PGM3: variants seen among roughly 807,000 people sequenced by gnomAD.
PGM3 encodes phosphoglucomutase 3.
A neutral mutation model predicts 66.2 loss-of-function variants in PGM3; 40 were observed. The ratio of observed to expected loss-of-function variants is 0.60; its 90% CI spans 0.47 to 0.79. PGM3 has a LOEUF of 0.79. Ranked by LOEUF, PGM3 falls within the 30% of genes least tolerant of loss-of-function variation. The pLI is 0.00. For missense variants in PGM3, 537 were observed against 643.4 expected, an observed-to-expected ratio of 0.83 and a Z score of 1.79; for synonymous variants, 191 against 224.2, an observed-to-expected ratio of 0.85 and a Z score of 1.32.
chr6:83,158,679 G>C (rs543241330), downstream of PGM3: 1 of 1,184,992 alleles, frequency 8.4e-7, no homozygotes, highest in South Asian at 1.3e-5. Context: ...AAATTATTCA[G>C]AATATTACTC....
intron 11 of PGM3, chr6:83,171,057 G>A (rs1246501905): frequency 6.5e-6 from 1 of 152,680 alleles, no homozygotes. Flanking sequence ...AATAATGTTG[G>A]GGCCAGGTGC....
chr6:83,164,930 AAG>A lies in PGM3; in HGVS notation c.*4302_*4303del, dbSNP rs905999571. 3.8e-5 allele frequency: 18 copies of A among 470,928 alleles called. No homozygotes were observed. The highest frequency in any genetic ancestry group is 3.5e-4 in the African/African-American group (17 of 49,142). 29.2% of individuals were successfully genotyped at this position (470,928 alleles called of 1,614,324 possible). ...TGAGACAATACATATAGTTCTGATT[AAG>A]AGCATCAGAAACTCTGAATCAAGTG... On this transcript the variant is annotated 3_prime_UTR_variant, in exon 13 of 13. Coordinates refer to ENST00000513973, the MANE Select transcript of PGM3 (RefSeq NM_015599.3).
At chr6:83,172,780 A>C (rs569445405) in intron 10 of PGM3, among the ~76,000 whole-genome samples, 4 of 152,350 alleles carry the variant, frequency 2.6e-5, no homozygotes, top group Admixed American at 6.5e-5. Context: ...GTTTCCATGC[A>C]TGCCAGATAT....
intron 5 of PGM3, 58 bp downstream of exon 5, chr6:83,182,787 T>C: frequency 2.0e-6 from 3 of 1,468,276 alleles, no homozygotes; most frequent in Non-Finnish European, 2.8e-6. Context: ...ATTTGTTCAG[T>C]AGACCATGTT....
At chr6:83,163,882 T>TA (rs2128438419), downstream of PGM3, among the ~76,000 whole-genome samples, 1 of 152,064 alleles carries the variant, frequency 6.6e-6, no homozygotes, top group Non-Finnish European at 1.5e-5. Flanking sequence ...TGTAGGAAAA[T>TA]AAAATTTGTA....
chr6:83,166,058 AC>A lies in PGM3; in HGVS notation c.*3175del. On this transcript the variant is annotated 3_prime_UTR_variant, in exon 13 of 13. Coordinates refer to ENST00000513973, the MANE Select transcript of PGM3 (RefSeq NM_015599.3). ...CATCGCCAGTTGTCGTATAAAATCC[AC>A]CTTTTGGCACACATCACAATCCGAT... The A allele has an allele frequency of 3.4e-6, 1 of 295,878 alleles. No individual in the cohort carries two copies. The highest frequency in any genetic ancestry group is 2.1e-5 in the African/African-American group (1 of 46,582). 18.3% of individuals were successfully genotyped at this position (295,878 alleles called of 1,614,324 possible). A position where few individuals can be genotyped will look rare whatever the true frequency, so the allele number is the denominator to read the frequency against.
Position 83,168,854 on chromosome 6 carries a change from G to A in PGM3, c.*380C>T, listed in dbSNP as rs994498107. On this transcript the variant is annotated 3_prime_UTR_variant, in exon 13 of 13. Transcript: ENST00000513973. Reference sequence around the variant, plus strand: ...TCCATTTGTATCAGCAATGGGGAATGCTGCAAAACATCATCTTGCTCATGT... The same window carrying A: ...TCCATTTGTATCAGCAATGGGGAATACTGCAAAACATCATCTTGCTCATGT... 2.9e-6 allele frequency: 3 copies of A among 1,038,282 alleles called. No homozygotes were observed. The highest frequency in any genetic ancestry group is 4.8e-4 in the Middle Eastern group (1 of 2,072). The allele number at this position is 1,038,282 out of a possible 1,614,324, so 64.3% of individuals were successfully genotyped here.
downstream of PGM3, among the ~76,000 whole-genome samples, chr6:83,160,871 T>C (rs184111777): frequency 1.8e-4 from 27 of 152,234 alleles, no homozygotes; most frequent in Non-Finnish European, 3.2e-4. Flanking sequence ...GCTCCAAAAT[T>C]TGCTATTTTA....
chr6:83,153,994 C>A, the PGM3 span: 1 of 1,614,058 alleles, frequency 6.2e-7, no homozygotes, highest in East Asian at 2.2e-5. Context: ...AGCTTTTGAC[C>A]TCTTTATGGA....
In PGM3 at chr6:83,181,818, C is replaced by T. The variant is rs199729957; in HGVS notation, c.705G>A (p.Gln235=). Residue 235 remains glutamine, a synonymous_variant, in exon 6 of 13, where the codon CAG becomes CAA. Transcript: ENST00000513973. Reference sequence around the variant, plus strand: ...TGCCCTTGGACCCATCATTAAACAGCTGAACTGACAGGCCCTGTGAGAAGT... The same window carrying T: ...TGCCCTTGGACCCATCATTAAACAGTTGAACTGACAGGCCCTGTGAGAAGT... ...EHYFSQGLSV[Q]LFNDGSKGKL... is the part of the protein sequence containing the mutation. 6.2e-7 allele frequency: 1 copy of T among 1,614,016 alleles called. No individual in the cohort carries two copies. The highest frequency in any genetic ancestry group is 8.5e-7 in the Non-Finnish European group (1 of 1,179,936).
chr6:83,177,059 AT>A (rs1379520483), intron 8 of PGM3, among the ~76,000 whole-genome samples: 1 of 152,184 alleles, frequency 6.6e-6, no homozygotes, highest in Admixed American at 6.5e-5. Flanking sequence ...GGAACATCAC[AT>A]GAAAATTCAG....
intron 8 of PGM3, among the ~76,000 whole-genome samples, chr6:83,178,133 G>A (rs1787914150): frequency 6.6e-6 from 1 of 152,110 alleles, no homozygotes; most frequent in Admixed American, 6.5e-5. Context: ...AGGAAAACTT[G>A]AAACCACCAT....
chr6:83,171,872 G>A, intron 11 of PGM3, 65 bp downstream of exon 11: 1 of 1,214,536 alleles, frequency 8.2e-7, no homozygotes, highest in Middle Eastern at 1.9e-4. Context: ...GATATAATGA[G>A]AATTGGGATA....
chr6:83,190,223 T>A (rs770750490), intron 2 of PGM3, among the ~76,000 whole-genome samples: 1 of 152,224 alleles, frequency 6.6e-6, no homozygotes, highest in African/African-American at 2.4e-5. Context: ...AAACATGGTG[T>A]TGTATGACTT....
At chr6:83,175,045 C>CTAG (rs982367758) in intron 9 of PGM3, among the ~76,000 whole-genome samples, 2 of 152,116 alleles carry the variant, frequency 1.3e-5, no homozygotes, top group Non-Finnish European at 2.9e-5. Flanking sequence ...TTTTTACTGC[C>CTAG]TTCTAGAGGC....
At chr6:83,170,210 TA>T in intron 12 of PGM3, 94 bp downstream of exon 12, 2 of 1,140,744 alleles carry the variant, frequency 1.8e-6, no homozygotes, top group South Asian at 2.9e-5. Context: ...AATAAAGCCT[TA>T]ATCATCATAG....
At chr6:83,160,858 C>T (rs1784078205), downstream of PGM3, among the ~76,000 whole-genome samples, 1 of 151,968 alleles carries the variant, frequency 6.6e-6, no homozygotes, top group Non-Finnish European at 1.5e-5. Flanking sequence ...TTTATTTGGA[C>T]ATGCTCCAAA....
At chr6:83,174,746 C>T (rs1484333079) in intron 9 of PGM3, among the ~76,000 whole-genome samples, 1 of 152,180 alleles carries the variant, frequency 6.6e-6, no homozygotes, top group Non-Finnish European at 1.5e-5. Flanking sequence ...GAAAACACCA[C>T]CTTGACAAGA....
At chr6:83,180,081 T>C in intron 6 of PGM3, 114 bp from the exon 7 acceptor site, 1 of 727,866 alleles carries the variant, frequency 1.4e-6, no homozygotes, top group South Asian at 2.5e-5. Flanking sequence ...TCTTAAATAG[T>C]GTATAATCTT....
Sources: gnomAD v4.1 joint callset for allele counts (sites outside exome capture counted in the v4.1 genomes callset) on GRCh38, gnomAD v4.1.1 for gene constraint, MANE v1.5 for transcripts, NCBI Gene and HGNC (gene_info 2026-07-23, HGNC 2026-07-21) for gene names.